NALF1: variants seen among roughly 807,000 people sequenced by gnomAD.
NALF1 encodes NALCN channel auxiliary factor 1, also known as family with sequence similarity 155 member A.
In NALF1, 3 loss-of-function variants were observed where a neutral mutation model predicts 48.4. That is an observed-to-expected ratio of 0.06 (90% CI 0.03 to 0.16). NALF1 has a LOEUF of 0.16. Among genes scored for constraint, NALF1 ranks in the 10% least tolerant of loss-of-function variants. The probability of loss-of-function intolerance (pLI) is 1.00; values close to 1 mark genes in which losing one functional copy is unlikely to be tolerated. For synonymous variants in NALF1, 262 were observed against 245.7 expected, an observed-to-expected ratio of 1.07 and a Z score of -0.62; for missense variants, 526 against 571.5, an observed-to-expected ratio of 0.92 and a Z score of 0.81.
intron 1 of NALF1, among the ~76,000 whole-genome samples, chr13:107,761,715 G>A (rs1877270503): frequency 6.6e-6 from 1 of 152,132 alleles, no homozygotes. Context: ...TATAAATAAG[G>A]AAGTGGGGTT....
intron 1 of NALF1, among the ~76,000 whole-genome samples, chr13:107,707,333 T>C (rs1244557518): frequency 1.3e-5 from 2 of 152,148 alleles, no homozygotes. Context: ...ATGCATCCAA[T>C]ATAAGTGGTA....
At chr13:107,190,386 C>T (rs1418135670) in intron 2 of NALF1, among the ~76,000 whole-genome samples, 2 of 152,118 alleles carry the variant, frequency 1.3e-5, no homozygotes, top group Non-Finnish European at 2.9e-5. Context: ...CTCACGCATA[C>T]ACAGAACAAG....
At chr13:107,401,999 C>T (rs952486616) in intron 1 of NALF1, among the ~76,000 whole-genome samples, 5 of 152,148 alleles carry the variant, frequency 3.3e-5, no homozygotes, top group African/African-American at 1.2e-4. Context: ...TCTAAGATGG[C>T]TCTCAGTAAG....
intron 1 of NALF1, among the ~76,000 whole-genome samples, chr13:107,754,576 T>C (rs1877039431): frequency 6.6e-6 from 1 of 152,042 alleles, no homozygotes; most frequent in African/African-American, 2.4e-5. Flanking sequence ...AAAATAACTT[T>C]CCAAAATCTG....
intron 1 of NALF1, among the ~76,000 whole-genome samples, chr13:107,385,587 G>GA (rs1883517287): frequency 3.7e-5 from 5 of 133,966 alleles, no homozygotes; most frequent in South Asian, 2.6e-4. Flanking sequence ...ACAAAGAAAA[G>GA]AAAAAAATGC....
intron 1 of NALF1, among the ~76,000 whole-genome samples, chr13:107,341,918 T>C (rs1882690231): frequency 6.8e-6 from 1 of 147,116 alleles, no homozygotes. Flanking sequence ...CACTGATGCA[T>C]ATATACAGTT....
chr13:107,342,751 GATATAAAAGGAA>G (rs1882704985), intron 1 of NALF1, among the ~76,000 whole-genome samples: 1 of 152,024 alleles, frequency 6.6e-6, no homozygotes. Context: ...CTATAGAAGA[GATATAAAAGGAA>G]ATGTAAAAGG....
At chr13:107,353,657 C>A (rs1281431133) in intron 1 of NALF1, among the ~76,000 whole-genome samples, 1 of 152,144 alleles carries the variant, frequency 6.6e-6, no homozygotes, top group East Asian at 1.9e-4. Context: ...AAGACTCAGC[C>A]AATGAGGACA....
At chr13:107,477,412 T>C (rs776500035) in intron 1 of NALF1, among the ~76,000 whole-genome samples, 3 of 152,066 alleles carry the variant, frequency 2.0e-5, no homozygotes, top group Non-Finnish European at 2.9e-5. Context: ...TAATCCTAAA[T>C]CACAAAATCA....
At chr13:107,736,297 CAG>C (rs1423778842) in intron 1 of NALF1, among the ~76,000 whole-genome samples, 1 of 152,014 alleles carries the variant, frequency 6.6e-6, no homozygotes, top group Non-Finnish European at 1.5e-5. Context: ...ACTTCTGTAA[CAG>C]AGTGCAGTGG....
intron 1 of NALF1, among the ~76,000 whole-genome samples, chr13:107,656,515 G>A (rs934045814): frequency 6.6e-6 from 1 of 152,056 alleles, no homozygotes; most frequent in African/African-American, 2.4e-5. Flanking sequence ...AATAATAGAT[G>A]TTGGCATGGA....
At chr13:107,418,840 C>G (rs180930315) in intron 1 of NALF1, among the ~76,000 whole-genome samples, 42 of 152,280 alleles carry the variant, frequency 2.8e-4, no homozygotes, top group Non-Finnish European at 4.6e-4. Flanking sequence ...ACACAAATCA[C>G]TTACACGTAC....
intron 1 of NALF1, among the ~76,000 whole-genome samples, chr13:107,266,108 A>T (rs1345617205): frequency 6.6e-6 from 1 of 152,220 alleles, no homozygotes; most frequent in Non-Finnish European, 1.5e-5. Context: ...AGGTTCAGCA[A>T]TCAGGGCGAC....
chr13:107,554,317 G>A (rs1465789766), intron 1 of NALF1, among the ~76,000 whole-genome samples: 2 of 152,166 alleles, frequency 1.3e-5, no homozygotes, highest in Non-Finnish European at 1.5e-5. Context: ...ACAGTCAAAG[G>A]CCAGAAGTCC....
rs1246186489 is a variant in NALF1, at chr13:107,167,674, T to G, written c.*2823A>C. The G allele has an allele frequency of 2.6e-5, 4 of 152,200 alleles. No individual in the cohort carries two copies. Among genetic ancestry groups the G allele is most frequent in the Non-Finnish European group, 4.4e-5 (3 of 68,052 alleles). 9.4% of individuals were successfully genotyped at this position (152,200 alleles called of 1,614,324 possible). A position where few individuals can be genotyped will look rare whatever the true frequency, so the allele number is the denominator to read the frequency against. ...GAAAGGACTCATTCCCCTTCCCTCC[T>G]TACCGTTCCTTCCTCACCTAAATTA... On this transcript the variant is annotated 3_prime_UTR_variant, in exon 3 of 3. Transcript: ENST00000375915.
At chr13:107,581,147 A>G (rs1392702580) in intron 1 of NALF1, among the ~76,000 whole-genome samples, 1 of 152,182 alleles carries the variant, frequency 6.6e-6, no homozygotes, top group Non-Finnish European at 1.5e-5. Flanking sequence ...CCTCGGACGC[A>G]TTTTGATTCA....
Position 107,206,995 on chromosome 13 carries a change from T to C in NALF1, c.1087+3589A>G, listed in dbSNP as rs186571294. Among the ~76,000 whole-genome samples, 556 of 152,340 alleles carry C rather than the reference T, an allele frequency of 3.6e-3. 5 individuals are homozygous for C. The highest frequency in any genetic ancestry group is 0.01 in the Middle Eastern group (3 of 294). On this transcript the variant is annotated intron_variant, in intron 2 of 2. Coordinates refer to ENST00000375915, the MANE Select transcript of NALF1 (RefSeq NM_001080396.3). ...TTTGAAGGAAACTCCACCTATTCCTTTAATTCTTAGTGAGAAATGATTGCA... is the reference window on the plus strand; with the variant it reads ...TTTGAAGGAAACTCCACCTATTCCTCTAATTCTTAGTGAGAAATGATTGCA...
chr13:107,389,831 G>A lies in NALF1; in HGVS notation c.916-179076C>T, dbSNP rs544802148. On this transcript the variant is annotated intron_variant, in intron 1 of 2. Coordinates refer to ENST00000375915, the MANE Select transcript of NALF1 (RefSeq NM_001080396.3). ...TATTGAAAGAATAAATTGTTTCAAG[G>A]ACGTAAATTTATAATATATACGTAA... 5.3e-5 allele frequency among the ~76,000 whole-genome samples: 8 copies of A among 152,216 alleles called. No homozygotes were observed. The South Asian group carries it at 1.7e-3, about 32-fold the overall frequency.
chr13:107,206,474 A>G (rs1879645852), intron 2 of NALF1, among the ~76,000 whole-genome samples: 2 of 152,188 alleles, frequency 1.3e-5, no homozygotes, highest in African/African-American at 4.8e-5. Flanking sequence ...TACATTTAAA[A>G]CTTTCAAATT....
Sources: gnomAD v4.1 joint callset for allele counts (sites outside exome capture counted in the v4.1 genomes callset) on GRCh38, gnomAD v4.1.1 for gene constraint, MANE v1.5 for transcripts, NCBI Gene and HGNC (gene_info 2026-07-23, HGNC 2026-07-21) for gene names.